PDE1C: variants seen among roughly 807,000 people sequenced by gnomAD.
The protein encoded by PDE1C is phosphodiesterase 1C.
PDE1C carries 62 observed loss-of-function variants against 93.1 expected under a neutral mutation model. That is an observed-to-expected ratio of 0.67 (90% CI 0.54 to 0.82). The LOEUF is 0.82. Ranked by LOEUF, PDE1C falls within the 40% of genes least tolerant of loss-of-function variation. The pLI is 0.00. For missense variants in PDE1C, 742 were observed against 884.6 expected (o/e 0.84, Z 2.04); for synonymous variants, 325 against 310.1 (o/e 1.05, Z -0.50).
intron 1 of PDE1C, among the ~76,000 whole-genome samples, chr7:32,340,965 C>A (rs1783735476): frequency 6.6e-6 from 1 of 151,992 alleles, no homozygotes; most frequent in Admixed American, 6.6e-5. Flanking sequence ...ATAGACTGTG[C>A]AACACCAAGA....
intron 1 of PDE1C, among the ~76,000 whole-genome samples, chr7:32,053,924 G>T (rs1471388969): frequency 6.6e-6 from 1 of 151,866 alleles, no homozygotes; most frequent in Non-Finnish European, 1.5e-5. Context: ...TTGTGAAAGA[G>T]GTAGTCTTGA....
intron 1 of PDE1C, among the ~76,000 whole-genome samples, chr7:32,401,101 G>T (rs549544828): frequency 1.3e-5 from 2 of 152,210 alleles, no homozygotes; most frequent in Non-Finnish European, 2.9e-5. Flanking sequence ...GGTCTCAAAA[G>T]TGTTTTGATT....
At chr7:32,423,833 CAAGAA>C (rs1351335209) in intron 1 of PDE1C, among the ~76,000 whole-genome samples, 5 of 152,040 alleles carry the variant, frequency 3.3e-5, no homozygotes, top group Admixed American at 3.3e-4. Context: ...AACAGCAAGA[CAAGAA>C]AAGATAGTAA....
Position 32,081,433 on chromosome 7 carries a change from C to T in PDE1C, c.308+88352G>A, listed in dbSNP as rs60447849. 9.6e-3 allele frequency among the ~76,000 whole-genome samples: 1,456 copies of T among 152,246 alleles called. 20 individuals carry two copies. Among genetic ancestry groups the T allele is most frequent in the African/African-American group, 0.033 (1,388 of 41,558 alleles). ...TTGTGAAAATCAGTCCCATTCTCAC[C>T]CATTCATATAACATAGCAGAAGTAC... On this transcript the variant is annotated intron_variant, in intron 3 of 18. Transcript: ENST00000396193.
At chr7:32,427,777 A>C (rs1247660244) in intron 1 of PDE1C, 1 of 152,272 alleles carries the variant, frequency 6.6e-6, no homozygotes, top group African/African-American at 2.4e-5. Context: ...GAAAGTCTCC[A>C]GGCAGCAGCT....
intron 2 of PDE1C, among the ~76,000 whole-genome samples, chr7:31,884,305 T>C (rs775138291): frequency 2.0e-5 from 3 of 150,894 alleles, no homozygotes; most frequent in Non-Finnish European, 4.4e-5. Flanking sequence ...AAATCACTAA[T>C]GGAAACAGAA....
intron 1 of PDE1C, among the ~76,000 whole-genome samples, chr7:32,405,210 C>T (rs1043321330): frequency 2.0e-5 from 3 of 151,962 alleles, no homozygotes; most frequent in African/African-American, 7.2e-5. Flanking sequence ...TTCCTCCACC[C>T]AAACCCAGGA....
At chr7:31,700,368 T>C in the PDE1C span, among the ~76,000 whole-genome samples, 82 of 152,154 alleles carry the variant, frequency 5.4e-4, 1 homozygote, top group Admixed American at 3.9e-4. Context: ...ACAAGGTCCT[T>C]ACTCTCTTCA....
intron 11 of PDE1C, among the ~76,000 whole-genome samples, chr7:31,834,604 C>T (rs1417140777): frequency 6.6e-6 from 1 of 151,688 alleles, no homozygotes; most frequent in Non-Finnish European, 1.5e-5. Flanking sequence ...GGCCCTGTAA[C>T]CCCTTTGTTT....
chr7:31,834,102 A>T (rs1315571159), intron 11 of PDE1C, among the ~76,000 whole-genome samples: 1 of 152,224 alleles, frequency 6.6e-6, no homozygotes, highest in African/African-American at 2.4e-5. Flanking sequence ...AGATTTCTGC[A>T]TGGTGTTGAG....
chr7:32,009,177 T>C (rs1006482494), intron 2 of PDE1C, among the ~76,000 whole-genome samples: 2 of 152,210 alleles, frequency 1.3e-5, no homozygotes, highest in Admixed American at 1.3e-4. Flanking sequence ...GCATTGGAGA[T>C]ATGCGAAACA....
At chr7:32,206,134 G>A (rs551749956) in intron 2 of PDE1C, among the ~76,000 whole-genome samples, 3 of 152,186 alleles carry the variant, frequency 2.0e-5, no homozygotes, top group East Asian at 1.9e-4. Flanking sequence ...TTCAAACCCC[G>A]GCTTGACCCC....
chr7:32,056,366 GAAAC>G (rs1794093737), intron 1 of PDE1C, among the ~76,000 whole-genome samples: 2 of 50,670 alleles, frequency 3.9e-5, no homozygotes, highest in African/African-American at 8.0e-5. Flanking sequence ...CTCTCTCACT[GAAAC>G]ACACACACAC....
At chr7:31,618,475 A>G in the PDE1C span, among the ~76,000 whole-genome samples, 16,379 of 152,206 alleles carry the variant, frequency 0.11, 1,010 homozygotes, top group Middle Eastern at 0.17. Flanking sequence ...CAAGAAGGGA[A>G]ATATTTCTTT....
At chr7:32,378,015 C>A (rs1324321488) in intron 1 of PDE1C, among the ~76,000 whole-genome samples, 1 of 152,294 alleles carries the variant, frequency 6.6e-6, no homozygotes, top group South Asian at 2.1e-4. Flanking sequence ...GGAGGAGGAG[C>A]AGCATTTAAC....
At chr7:32,197,677 A>C in intron 2 of PDE1C, among the ~76,000 whole-genome samples, 1 of 152,214 alleles carries the variant, frequency 6.6e-6, no homozygotes, top group East Asian at 1.9e-4. Flanking sequence ...CATTATGCTA[A>C]ATCAAAAACA....
chr7:31,640,980 A>G, the PDE1C span, among the ~76,000 whole-genome samples: 4 of 152,154 alleles, frequency 2.6e-5, no homozygotes, highest in Non-Finnish European at 5.9e-5. Flanking sequence ...TTGAGCCATT[A>G]CTTTCTCTTG....
At chr7:31,632,682 A>T in the PDE1C span, among the ~76,000 whole-genome samples, 1 of 152,264 alleles carries the variant, frequency 6.6e-6, no homozygotes, top group Admixed American at 6.5e-5. Flanking sequence ...ATCTAGCAGC[A>T]GGAAAAGAGC....
At chr7:31,905,061 G>A (rs1413340539) in intron 2 of PDE1C, among the ~76,000 whole-genome samples, 1 of 152,094 alleles carries the variant, frequency 6.6e-6, no homozygotes, top group East Asian at 1.9e-4. Context: ...ACAGCTCACA[G>A]CCTAATAGTA....
Sources: allele counts gnomAD v4.1 joint callset (sites outside exome capture counted in the v4.1 genomes callset), GRCh38; gene constraint gnomAD v4.1.1; transcripts MANE v1.5; gene names NCBI Gene and HGNC (gene_info 2026-07-23, HGNC 2026-07-21).